EPHA6: variants seen among roughly 807,000 people sequenced by gnomAD.
The protein encoded by EPHA6 is ephrin type-A receptor 6.
A neutral mutation model predicts 112.0 loss-of-function variants in EPHA6; 50 were observed. That is an observed-to-expected ratio of 0.45 (90% confidence interval 0.36 to 0.56). EPHA6 has a LOEUF of 0.56. EPHA6 is among the 20% of genes least tolerant of loss of function. The pLI is 0.00. For missense variants in EPHA6, 1,280 were observed against 1,417.4 expected (o/e 0.90, Z 1.56); for synonymous variants, 529 against 490.7 (o/e 1.08, Z -1.03).
intron 5 of EPHA6, among the ~76,000 whole-genome samples, chr3:97,294,514 A>G (rs1427077799): frequency 6.6e-6 from 1 of 152,126 alleles, no homozygotes; most frequent in Non-Finnish European, 1.5e-5. Context: ...ATCTGTTTAC[A>G]TTTAGTTATT....
In EPHA6 at chr3:97,758,044, G is replaced by A. The variant is rs1222526497; in HGVS notation, c.*9343G>A. The stretch of plus-strand genomic sequence containing the variant: ...AAATACAAAATGAAAATTCTCCACT[G>A]GATGTTATAAATTCAAAAAAAGAAC... On this transcript the variant is annotated 3_prime_UTR_variant, in exon 18 of 18. Coordinates refer to ENST00000389672, the MANE Select transcript of EPHA6 (RefSeq NM_001080448.3). Among the ~76,000 whole-genome samples the A allele has an allele frequency of 6.6e-6, 1 of 151,736 alleles. No individual in the cohort carries two copies. Among genetic ancestry groups the A allele is most frequent in the Non-Finnish European group, 1.5e-5 (1 of 67,788 alleles).
At chr3:97,162,024 A>G (rs1169187306) in intron 3 of EPHA6, among the ~76,000 whole-genome samples, 4 of 152,220 alleles carry the variant, frequency 2.6e-5, no homozygotes, top group Non-Finnish European at 4.4e-5. Context: ...TTGACAAATC[A>G]ATAGCTGCAT....
At chr3:97,206,379 G>A (rs1333317927) in intron 3 of EPHA6, among the ~76,000 whole-genome samples, 3 of 151,990 alleles carry the variant, frequency 2.0e-5, no homozygotes, top group South Asian at 2.1e-4. Flanking sequence ...TCTTTAGGCC[G>A]CCTTATAAGA....
At chr3:97,616,170 G>GA in intron 13 of EPHA6, among the ~76,000 whole-genome samples, 1 of 152,200 alleles carries the variant, frequency 6.6e-6, no homozygotes, top group African/African-American at 2.4e-5. Context: ...TCAGGTACTG[G>GA]AAAATCCAAG....
In EPHA6 at chr3:97,397,781, A is replaced by T. The variant is rs961481826; in HGVS notation, c.1607-7369A>T. ...TTTCATTAAGTATACAGAATGGAGT[A>T]TTTTAGCAATTAAAATAATAATTAC... On this transcript the variant is annotated intron_variant, in intron 5 of 17. Transcript: ENST00000389672. Among the ~76,000 whole-genome samples the T allele has an allele frequency of 4.0e-5, 6 of 151,608 alleles. No homozygotes were observed. In the East Asian group the frequency reaches 1.2e-3, roughly 29 times the overall value.
chr3:97,664,545 A>T (rs2107642261), intron 14 of EPHA6, among the ~76,000 whole-genome samples: 1 of 152,316 alleles, frequency 6.6e-6, no homozygotes, highest in South Asian at 2.1e-4. Context: ...CTGTTTGCAG[A>T]TGACATGATT....
At chr3:97,253,365 G>T (rs886239820) in intron 5 of EPHA6, among the ~76,000 whole-genome samples, 5 of 152,138 alleles carry the variant, frequency 3.3e-5, no homozygotes, top group Admixed American at 3.3e-4. Flanking sequence ...CAAATTGAAA[G>T]AGAGTTCCAT....
chr3:97,229,431 C>T (rs537328700), intron 4 of EPHA6, among the ~76,000 whole-genome samples: 84 of 152,228 alleles, frequency 5.5e-4, no homozygotes, highest in African/African-American at 1.9e-3. Context: ...CATTCTTCTA[C>T]GTGTGGCTTG....
chr3:97,536,564 C>T (rs1194879556), intron 11 of EPHA6, among the ~76,000 whole-genome samples: 6 of 152,126 alleles, frequency 3.9e-5, no homozygotes, highest in East Asian at 1.9e-4. Context: ...GAAAGTGCTG[C>T]GCTTGCTCAA....
intron 3 of EPHA6, among the ~76,000 whole-genome samples, chr3:97,113,372 T>C: frequency 6.6e-6 from 1 of 152,032 alleles, no homozygotes; most frequent in East Asian, 1.9e-4. Context: ...CAAAAAAGAC[T>C]TTACCCATCC....
At chr3:97,089,143 C>T (rs2046990847) in intron 3 of EPHA6, among the ~76,000 whole-genome samples, 1 of 152,008 alleles carries the variant, frequency 6.6e-6, no homozygotes, top group Non-Finnish European at 1.5e-5. Context: ...CCAGGTTTTA[C>T]CAATTGATAG....
intron 1 of EPHA6, among the ~76,000 whole-genome samples, chr3:96,856,175 G>A (rs2035684764): frequency 6.6e-6 from 1 of 152,076 alleles, no homozygotes; most frequent in Admixed American, 6.5e-5. Flanking sequence ...GGGAGGTGGA[G>A]GTTGCAGTGA....
rs935822696 is a variant in EPHA6, at chr3:97,577,081, A to T, written c.2387-15531A>T. ...TCCCAGGCTGGAGTGCAGTGGTACAATCATGGCCTACTGCAGACTCTGGGC... is the reference window on the plus strand; with the variant it reads ...TCCCAGGCTGGAGTGCAGTGGTACATTCATGGCCTACTGCAGACTCTGGGC... On this transcript the variant is annotated intron_variant, in intron 11 of 17. Transcript: ENST00000389672. 2.6e-5 allele frequency among the ~76,000 whole-genome samples: 4 copies of T among 152,226 alleles called. No homozygotes were observed. The East Asian group carries it at 7.7e-4, about 29-fold the overall frequency.
At chr3:97,728,766 C>T (rs369846493) in intron 15 of EPHA6, among the ~76,000 whole-genome samples, 6 of 152,106 alleles carry the variant, frequency 3.9e-5, no homozygotes, top group Non-Finnish European at 8.8e-5. Flanking sequence ...GACTTCAGTG[C>T]GGTTTCAGGC....
intron 5 of EPHA6, among the ~76,000 whole-genome samples, chr3:97,386,366 G>A (rs761973380): frequency 8.5e-5 from 13 of 152,232 alleles, no homozygotes; most frequent in Middle Eastern, 3.4e-3. Flanking sequence ...TACAGACATC[G>A]GGTAAATACA....
intron 14 of EPHA6, among the ~76,000 whole-genome samples, chr3:97,685,031 T>C (rs940145552): frequency 6.6e-6 from 1 of 152,172 alleles, no homozygotes; most frequent in African/African-American, 2.4e-5. Context: ...TCTATAACAA[T>C]AGTGCTATAG....
chr3:97,691,213 A>G lies in EPHA6; in HGVS notation c.2785-29048A>G, dbSNP rs148847832. On this transcript the variant is annotated intron_variant, in intron 14 of 17. Transcript: ENST00000389672. ...AAGACTATATTTCCTCCATTGAATTATCTTGGCCCCTTTGTCTAAAATCAA... is the reference window on the plus strand; with the variant it reads ...AAGACTATATTTCCTCCATTGAATTGTCTTGGCCCCTTTGTCTAAAATCAA... Among the ~76,000 whole-genome samples, 42 of 152,350 alleles carry G rather than the reference A, an allele frequency of 2.8e-4. No individual in the cohort carries two copies. The East Asian group carries it at 7.7e-3, about 28-fold the overall frequency.
intron 14 of EPHA6, among the ~76,000 whole-genome samples, chr3:97,718,285 C>G (rs1001111255): frequency 6.6e-6 from 1 of 152,128 alleles, no homozygotes; most frequent in South Asian, 2.1e-4. Flanking sequence ...GTATCCTTAC[C>G]CCCTTGTGAA....
chr3:97,667,503 G>A (rs2030271458), intron 14 of EPHA6, among the ~76,000 whole-genome samples: 1 of 152,058 alleles, frequency 6.6e-6, no homozygotes, highest in Non-Finnish European at 1.5e-5. Flanking sequence ...TTCCACATTA[G>A]GAATTTATGT....
Sources: allele counts gnomAD v4.1 joint callset (sites outside exome capture counted in the v4.1 genomes callset), GRCh38; gene constraint gnomAD v4.1.1; transcripts MANE v1.5; gene names NCBI Gene and HGNC (gene_info 2026-07-23, HGNC 2026-07-21).